Variants in APPBP2 observed in about 807,000 individuals in gnomAD.
The protein encoded by APPBP2 is amyloid protein-binding protein 2.
Under a neutral mutation model 76.0 loss-of-function variants are expected in APPBP2, and 15 were observed. That is an observed-to-expected ratio of 0.20 (90% CI 0.13 to 0.30). The LOEUF (loss-of-function observed/expected upper bound fraction) is 0.30. APPBP2 is among the 10% of genes least tolerant of loss of function. APPBP2 has a pLI of 1.00. For missense variants in APPBP2, 401 were observed against 687.2 expected (o/e 0.58, Z 4.66); for synonymous variants, 222 against 242.2 (o/e 0.92, Z 0.77).
intron 3 of APPBP2, among the ~76,000 whole-genome samples, chr17:60,492,139 C>A (rs1376087561): frequency 6.6e-6 from 1 of 152,138 alleles, no homozygotes; most frequent in Non-Finnish European, 1.5e-5. Context: ...CTTAGCAGCT[C>A]CCACATGGTG....
intron 3 of APPBP2, among the ~76,000 whole-genome samples, chr17:60,483,455 G>A (rs571265513): frequency 4.5e-4 from 68 of 152,052 alleles, no homozygotes; most frequent in Non-Finnish European, 6.2e-4. Flanking sequence ...GTGCAGTAGC[G>A]CAATCTCGGC....
At chr17:60,489,208 C>G (rs531407843) in intron 3 of APPBP2, among the ~76,000 whole-genome samples, 1 of 149,968 alleles carries the variant, frequency 6.7e-6, no homozygotes, top group East Asian at 2.0e-4. Context: ...GGCGACAGTA[C>G]AAGACTCTGT....
At chr17:60,507,054 C>A (rs1003470579) in intron 1 of APPBP2, among the ~76,000 whole-genome samples, 8 of 151,864 alleles carry the variant, frequency 5.3e-5, no homozygotes, top group African/African-American at 1.9e-4. Context: ...AAAATTTTTT[C>A]TTTCTTCTCT....
At chr17:60,478,116 T>C (rs575716366) in intron 4 of APPBP2, among the ~76,000 whole-genome samples, 5 of 152,272 alleles carry the variant, frequency 3.3e-5, no homozygotes, top group African/African-American at 1.2e-4. Flanking sequence ...GAACCTTAAT[T>C]CCATAAAAAT....
rs200139042 is a variant in APPBP2, at chr17:60,518,833, TTTC to T, written c.138+6958_138+6960del. On this transcript the variant is annotated intron_variant, in intron 1 of 12. Transcript: ENST00000083182. ...TTTTTAATGCATTCCAACACATCAA[TTTC>T]TTTTTTTTCCTTCTGGGCTTTGGTT... 6.1e-4 allele frequency among the ~76,000 whole-genome samples: 93 copies of T among 152,090 alleles called. 1 individual carries two copies. In the East Asian group the frequency reaches 0.014, roughly 23 times the overall value.
chr17:60,480,664 T>A (rs1019957880), intron 3 of APPBP2, among the ~76,000 whole-genome samples: 2 of 152,164 alleles, frequency 1.3e-5, no homozygotes, highest in African/African-American at 4.8e-5. Flanking sequence ...TAAGCAATAT[T>A]CTACTTATCA....
intron 4 of APPBP2, among the ~76,000 whole-genome samples, 195 bp downstream of exon 4, chr17:60,478,953 C>G (rs962255046): frequency 1.3e-5 from 2 of 152,124 alleles, no homozygotes; most frequent in Non-Finnish European, 2.9e-5. Flanking sequence ...TCATAATACT[C>G]AAATCTAACC....
chr17:60,466,730 T>TA (rs1254617212), intron 4 of APPBP2, among the ~76,000 whole-genome samples: 3 of 151,970 alleles, frequency 2.0e-5, no homozygotes, highest in Non-Finnish European at 2.9e-5. Context: ...GTACTGCATC[T>TA]AAAAAAATGA....
At chr17:60,518,358 CGTGTGTGT>C (rs59428194) in intron 1 of APPBP2, among the ~76,000 whole-genome samples, 3,610 of 88,688 alleles carry the variant, frequency 0.041, 248 homozygotes, top group African/African-American at 0.15. Context: ...TGTGTGCGTG[CGTGTGTGT>C]GTGTGTGTGT....
chr17:60,448,291 C>T (rs1284888119), intron 12 of APPBP2, among the ~76,000 whole-genome samples: 4 of 152,050 alleles, frequency 2.6e-5, no homozygotes, highest in South Asian at 2.1e-4. Flanking sequence ...GGTGAATACC[C>T]GTCTCTACTA....
At chr17:60,494,676 G>C (rs2090759472) in intron 2 of APPBP2, 59 bp from the exon 3 acceptor site, 3 of 1,400,956 alleles carry the variant, frequency 2.1e-6, no homozygotes, top group Admixed American at 2.5e-5. Context: ...CTTTTAGAAA[G>C]TGCTAACTGC....
At chr17:60,468,835 A>C (rs2090530006) in intron 4 of APPBP2, among the ~76,000 whole-genome samples, 1 of 152,212 alleles carries the variant, frequency 6.6e-6, no homozygotes, top group Non-Finnish European at 1.5e-5. Flanking sequence ...AATTATGTCT[A>C]CCTGATCAAC....
At chr17:60,452,189 C>A in intron 11 of APPBP2, 144 bp from the exon 12 acceptor site, 1 of 807,350 alleles carries the variant, frequency 1.2e-6, no homozygotes. Context: ...TATGTTATTC[C>A]AAAAATTGCC....
intron 5 of APPBP2, chr17:60,465,300 C>T (rs912356457): frequency 4.1e-4 from 63 of 152,116 alleles, no homozygotes; most frequent in African/African-American, 1.5e-3. Context: ...TATTATGAGC[C>T]AGAAAGAAAC....
At chr17:60,463,168 G>C (rs1347319152) in intron 6 of APPBP2, among the ~76,000 whole-genome samples, 2 of 152,000 alleles carry the variant, frequency 1.3e-5, no homozygotes, top group African/African-American at 2.4e-5. Flanking sequence ...TATAATTTTG[G>C]AATCTATTTT....
At chr17:60,472,629 G>T (rs1457941981) in intron 4 of APPBP2, among the ~76,000 whole-genome samples, 1 of 152,298 alleles carries the variant, frequency 6.6e-6, no homozygotes, top group Non-Finnish European at 1.5e-5. Flanking sequence ...GCTAGAGAAC[G>T]TGGAATCTGC....
At chr17:60,491,340 T>C (rs942174333) in intron 3 of APPBP2, among the ~76,000 whole-genome samples, 2 of 152,200 alleles carry the variant, frequency 1.3e-5, no homozygotes, top group African/African-American at 4.8e-5. Context: ...TTAGGGTATC[T>C]GGCAGAAGAA....
chr17:60,491,678 CA>C (rs144895159), intron 3 of APPBP2, among the ~76,000 whole-genome samples: 12,515 of 152,178 alleles, frequency 0.082, 1,703 homozygotes, highest in African/African-American at 0.28. Flanking sequence ...CTCCTGATAT[CA>C]AAACAATCCA....
rs893326681 is a variant in APPBP2, at chr17:60,444,761, G to A, written c.*2820C>T. 2.6e-5 allele frequency: 4 copies of A among 152,450 alleles called. No individual in the cohort carries two copies. The highest frequency in any genetic ancestry group is 1.9e-4 in the East Asian group (1 of 5,186). 9.4% of individuals were successfully genotyped at this position (152,450 alleles called of 1,614,324 possible). On this transcript the variant is annotated 3_prime_UTR_variant, in exon 13 of 13. Transcript: ENST00000083182. The stretch of plus-strand genomic sequence containing the variant: ...GAGTGGCCACCTGAGCGACACATGC[G>A]AGTGCTGACGGAGCTCCCTGATGCA...
Sources: gnomAD v4.1 joint callset for allele counts (sites outside exome capture counted in the v4.1 genomes callset) on GRCh38, gnomAD v4.1.1 for gene constraint, MANE v1.5 for transcripts, NCBI Gene and HGNC (gene_info 2026-07-23, HGNC 2026-07-21) for gene names.